The following GRIA1 variants were observed in gnomAD, a reference collection of about 807,000 sequenced individuals.
The protein encoded by GRIA1 is glutamate receptor 1.
GRIA1 carries 31 observed loss-of-function variants against 99.2 expected under a neutral mutation model. That is an observed-to-expected ratio of 0.31 (90% CI 0.23 to 0.42). The LOEUF is 0.42. Among genes scored for constraint, GRIA1 ranks in the 10% least tolerant of loss-of-function variants. The probability of loss-of-function intolerance (pLI) is 1.00; values close to 1 mark genes in which losing one functional copy is unlikely to be tolerated. For synonymous variants in GRIA1, 438 were observed against 432.4 expected, an observed-to-expected ratio of 1.01 and a Z score of -0.16; for missense variants, 782 against 1,157.5, an observed-to-expected ratio of 0.68 and a Z score of 4.71.
In GRIA1 at chr5:153,752,688, G is replaced by A. The variant is rs1581597401; in HGVS notation, c.1824-11746G>A. ...AGTGACCAGCAGTGTCTGCCATATA[G>A]GAAATGCTTGCAAAGTAAATGAATA... On this transcript the variant is annotated intron_variant, in intron 11 of 15. Coordinates refer to ENST00000285900, the MANE Select transcript of GRIA1 (RefSeq NM_000827.4). Among the ~76,000 whole-genome samples the A allele has an allele frequency of 2.6e-5, 4 of 152,252 alleles. No individual in the cohort carries two copies. The South Asian group carries it at 8.3e-4, about 32-fold the overall frequency.
chr5:153,602,278 G>A (rs371442145), intron 2 of GRIA1, among the ~76,000 whole-genome samples: 1 of 151,374 alleles, frequency 6.6e-6, no homozygotes, highest in Non-Finnish European at 1.5e-5. Context: ...ACTATCACAA[G>A]GACAAAAAAC....
intron 11 of GRIA1, among the ~76,000 whole-genome samples, chr5:153,718,126 A>G (rs1759795475): frequency 1.3e-5 from 2 of 152,258 alleles, no homozygotes; most frequent in Non-Finnish European, 2.9e-5. Flanking sequence ...AGGCTAACTA[A>G]GCATTATGGC....
chr5:153,521,807 T>C (rs1335546483), intron 2 of GRIA1, among the ~76,000 whole-genome samples: 2 of 152,210 alleles, frequency 1.3e-5, no homozygotes, highest in Non-Finnish European at 2.9e-5. Flanking sequence ...ACCAAAGATA[T>C]TATAGCACAC....
intron 2 of GRIA1, among the ~76,000 whole-genome samples, chr5:153,494,824 G>A (rs1040500896): frequency 2.6e-5 from 4 of 152,186 alleles, no homozygotes; most frequent in African/African-American, 4.8e-5. Context: ...AATTAATCAG[G>A]AAACATATTT....
intron 11 of GRIA1, among the ~76,000 whole-genome samples, chr5:153,708,430 G>A (rs1045258510): frequency 1.3e-5 from 2 of 152,044 alleles, no homozygotes; most frequent in Non-Finnish European, 2.9e-5. Flanking sequence ...TTGACATTGA[G>A]GTGAAGAGGA....
intron 2 of GRIA1, among the ~76,000 whole-genome samples, chr5:153,591,779 A>G (rs1037833102): frequency 2.0e-4 from 30 of 152,364 alleles, no homozygotes; most frequent in Non-Finnish European, 4.3e-4. Context: ...TCCTGCAGCA[A>G]GAATGCCACA....
At chr5:153,571,070 T>C (rs1181634526) in intron 2 of GRIA1, among the ~76,000 whole-genome samples, 1 of 152,194 alleles carries the variant, frequency 6.6e-6, no homozygotes, top group African/African-American at 2.4e-5. Context: ...GCACTACCTA[T>C]GTTTTGCACA....
intron 2 of GRIA1, among the ~76,000 whole-genome samples, chr5:153,509,234 A>T (rs1755825210): frequency 6.6e-6 from 1 of 152,318 alleles, no homozygotes; most frequent in Admixed American, 6.5e-5. Flanking sequence ...GGTGGCTTGG[A>T]AAAGGTGTTA....
At chr5:153,489,957 C>T (rs904335165), upstream of GRIA1, 19 of 409,660 alleles carry the variant, frequency 4.6e-5, no homozygotes, top group Non-Finnish European at 8.3e-5. Flanking sequence ...AAGAGACCAC[C>T]GTTTCACTTG....
intron 2 of GRIA1, among the ~76,000 whole-genome samples, chr5:153,604,796 G>A (rs947375193): frequency 3.9e-5 from 6 of 152,182 alleles, no homozygotes; most frequent in Non-Finnish European, 7.3e-5. Context: ...GGAAGAAACT[G>A]ATAAATTGAA....
intron 2 of GRIA1, among the ~76,000 whole-genome samples, chr5:153,497,121 C>T (rs1305892567): frequency 1.3e-5 from 2 of 152,024 alleles, no homozygotes; most frequent in Non-Finnish European, 2.9e-5. Flanking sequence ...GAGTTTGGTG[C>T]CTTCTTCGTG....
At chr5:153,525,988 C>T (rs1333916736) in intron 2 of GRIA1, among the ~76,000 whole-genome samples, 1 of 152,160 alleles carries the variant, frequency 6.6e-6, no homozygotes, top group Non-Finnish European at 1.5e-5. Flanking sequence ...TCACTCAACA[C>T]TGTAAAAGAA....
chr5:153,497,940 G>A (rs147327605), intron 2 of GRIA1, among the ~76,000 whole-genome samples: 1,567 of 152,262 alleles, frequency 0.01, 13 homozygotes, highest in Middle Eastern at 0.014. Context: ...TCCTTGAAGA[G>A]TGGAGTTTGT....
chr5:153,780,212 T>C (rs545482571), intron 13 of GRIA1, among the ~76,000 whole-genome samples: 11 of 152,328 alleles, frequency 7.2e-5, no homozygotes, highest in African/African-American at 2.2e-4. Flanking sequence ...GCTGCTGTAA[T>C]ACAAAGGAAG....
chr5:153,526,878 G>T (rs920258062), intron 2 of GRIA1, among the ~76,000 whole-genome samples: 2 of 152,168 alleles, frequency 1.3e-5, no homozygotes, highest in Non-Finnish European at 2.9e-5. Context: ...TAAATTTTAA[G>T]AGCCTCAGTT....
chr5:153,788,207 C>G lies in GRIA1; in HGVS notation c.2271-6414C>G, dbSNP rs115709251. ...GTCTACACAATCTCAAGGGAAAAAT[C>G]AGCTCGAATCTTTCCTTCAATCCCC... On this transcript the variant is annotated intron_variant, in intron 13 of 15. Coordinates refer to ENST00000285900, the MANE Select transcript of GRIA1 (RefSeq NM_000827.4). Among the ~76,000 whole-genome samples, 820 of 152,284 alleles carry G rather than the reference C, an allele frequency of 5.4e-3. 13 individuals carry two copies. Among genetic ancestry groups the G allele is most frequent in the African/African-American group, 0.019 (784 of 41,558 alleles).
chr5:153,674,209 C>T (rs948833357), intron 5 of GRIA1, among the ~76,000 whole-genome samples: 4 of 152,228 alleles, frequency 2.6e-5, no homozygotes, highest in African/African-American at 9.6e-5. Context: ...AACCAGACCT[C>T]CATTATTCAG....
chr5:153,494,222 A>G, intron 2 of GRIA1, 157 bp downstream of exon 2: 1 of 683,370 alleles, frequency 1.5e-6, no homozygotes, highest in Non-Finnish European at 2.4e-6. Flanking sequence ...CTTCTGAGTG[A>G]TTCCAGCAGT....
chr5:153,670,887 TAG>T (rs1561750085), intron 5 of GRIA1, among the ~76,000 whole-genome samples: 1 of 152,152 alleles, frequency 6.6e-6, no homozygotes, highest in African/African-American at 2.4e-5. Context: ...GTAACTATAA[TAG>T]AGTCATTTCT....
Sources: allele counts gnomAD v4.1 joint callset (sites outside exome capture counted in the v4.1 genomes callset), GRCh38; gene constraint gnomAD v4.1.1; transcripts MANE v1.5; gene names NCBI Gene and HGNC (gene_info 2026-07-23, HGNC 2026-07-21).